PCDHA1: variants seen among roughly 807,000 people sequenced by gnomAD.
The protein encoded by PCDHA1 is protocadherin alpha-1.
A neutral mutation model predicts 61.3 loss-of-function variants in PCDHA1; 42 were observed. The ratio of observed to expected loss-of-function variants is 0.69; its 90% CI spans 0.54 to 0.89. The LOEUF (loss-of-function observed/expected upper bound fraction) is 0.89, where lower values mean the gene tolerates loss of function less well. Among genes scored for constraint, PCDHA1 ranks in the 40% least tolerant of loss-of-function variants. The pLI is 0.00. For synonymous variants in PCDHA1, 610 were observed against 553.8 expected (o/e 1.10, Z -1.43); for missense variants, 1,256 against 1,235.3 (o/e 1.02, Z -0.25).
At chr5:140,915,803 A>G (rs2077309798) in intron 1 of PCDHA1, among the ~76,000 whole-genome samples, 1 of 152,026 alleles carries the variant, frequency 6.6e-6, no homozygotes, top group Admixed American at 6.6e-5. Flanking sequence ...ACTACCACCT[A>G]TGTTCACTCA....
chr5:140,909,784 C>T (rs1380024637), intron 1 of PCDHA1, among the ~76,000 whole-genome samples: 1 of 152,154 alleles, frequency 6.6e-6, no homozygotes, highest in African/African-American at 2.4e-5. Context: ...TGGACCCACT[C>T]TAAGTCAGAC....
In PCDHA1 at chr5:140,859,254, G is replaced by C. The variant is rs1005222858; in HGVS notation, c.2394+70570G>C. 16 of 131,816 alleles carry C rather than the reference G, an allele frequency of 1.2e-4. 1 individual carries two copies. The highest frequency in any genetic ancestry group is 4.3e-4 in the African/African-American group (16 of 37,090). 8.2% of individuals were successfully genotyped at this position (131,816 alleles called of 1,614,324 possible). A position where few individuals can be genotyped will look rare whatever the true frequency, so the allele number is the denominator to read the frequency against. ...AGTCATGCTTATGTTTAATAATGAA[G>C]AGAATTTGAACACTTTTTACTTTTG... is the stretch of plus-strand genomic sequence containing the variant. On this transcript the variant is annotated intron_variant, in intron 1 of 3. Transcript: ENST00000504120.
intron 3 of PCDHA1, among the ~76,000 whole-genome samples, chr5:140,988,127 C>T (rs1285717954): frequency 2.0e-5 from 3 of 152,120 alleles, no homozygotes; most frequent in African/African-American, 7.2e-5. Flanking sequence ...GCATGCTGTT[C>T]CACTAACCTG....
chr5:140,917,324 C>CGGGGGGGGGGGG (rs1299895515), intron 1 of PCDHA1, among the ~76,000 whole-genome samples: 1 of 76,120 alleles, frequency 1.3e-5, no homozygotes, highest in African/African-American at 4.3e-5. Context: ...GTTCATGTGG[C>CGGGGGGGGGGGG]GGGGGAGGGG....
chr5:140,808,989 C>A (rs1554124940), intron 1 of PCDHA1: 4 of 1,613,702 alleles, frequency 2.5e-6, no homozygotes, highest in Non-Finnish European at 1.7e-6. Flanking sequence ...GATGCTGACT[C>A]GGGCTACAAC....
intron 1 of PCDHA1, chr5:140,835,300 G>C: frequency 6.2e-7 from 1 of 1,612,792 alleles, no homozygotes; most frequent in East Asian, 2.2e-5. Context: ...ACAGTGATAG[G>C]ACATATGGAT....
chr5:140,869,518 A>C, intron 1 of PCDHA1: 1 of 1,614,170 alleles, frequency 6.2e-7, no homozygotes, highest in East Asian at 2.2e-5. Flanking sequence ...CAGAGAACAA[A>C]AGCTGCTGAT....
Position 140,857,332 on chromosome 5 carries a change from C to T in PCDHA1, c.2394+68648C>T, listed in dbSNP as rs782461373. The stretch of plus-strand genomic sequence containing the variant: ...ATGAGCTGGTGGTGACCGCGCGGGA[C>T]GGGGGCTCGCCTCCGCTGTGGGCCA... On this transcript the variant is annotated intron_variant, in intron 1 of 3. Transcript: ENST00000504120. The T allele has an allele frequency of 1.9e-5, 30 of 1,598,216 alleles. No homozygotes were observed. In the South Asian group the frequency reaches 2.0e-4, roughly 11 times the overall value.
chr5:140,997,334 C>G (rs2097767888), intron 3 of PCDHA1, among the ~76,000 whole-genome samples: 3 of 152,098 alleles, frequency 2.0e-5, no homozygotes, highest in Admixed American at 2.0e-4. Flanking sequence ...TTTCGTTGTA[C>G]AAATATCATA....
intron 1 of PCDHA1, chr5:140,871,331 C>A (rs1414219251): frequency 6.2e-7 from 1 of 1,614,102 alleles, no homozygotes; most frequent in Non-Finnish European, 8.5e-7. Flanking sequence ...TGCTCCCGCG[C>A]GGTGGGGAGC....
chr5:140,862,984 G>A (rs1420012474), intron 1 of PCDHA1: 1 of 546,626 alleles, frequency 1.8e-6, no homozygotes, highest in Non-Finnish European at 3.6e-6. Context: ...TGGTGGCGAA[G>A]GTGCGCACGG....
chr5:140,841,313 C>T (rs2150313348), intron 1 of PCDHA1: 2 of 1,587,144 alleles, frequency 1.3e-6, no homozygotes, highest in Non-Finnish European at 8.6e-7. Context: ...TAGGAAACGA[C>T]TATTTAACAT....
At position 140,822,042 on chromosome 5, in the gene PCDHA1, C is replaced by T. The variant is rs148967528; in HGVS notation, c.2394+33358C>T. The T allele has an allele frequency of 2.2e-3, 3,471 of 1,614,176 alleles. 3 individuals carry two copies. The highest frequency in any genetic ancestry group is 2.7e-3 in the Non-Finnish European group (3,163 of 1,180,044). ...GCATTTTGTTTGTGAATTCTCGGATCGACCGGGAGGAGCTGTGCCGGCGGA... is the reference window on the plus strand; with the variant it reads ...GCATTTTGTTTGTGAATTCTCGGATTGACCGGGAGGAGCTGTGCCGGCGGA... On this transcript the variant is annotated intron_variant, in intron 1 of 3. Coordinates refer to ENST00000504120, the MANE Select transcript of PCDHA1 (RefSeq NM_018900.4).
intron 1 of PCDHA1, among the ~76,000 whole-genome samples, chr5:140,838,783 A>G (rs1398229562): frequency 6.6e-6 from 1 of 152,002 alleles, no homozygotes; most frequent in Middle Eastern, 3.2e-3. Context: ...TTAGCTATGC[A>G]TGGTGATGCA....
In PCDHA1 at chr5:140,788,484, T is replaced by C. The variant is rs1378490893; in HGVS notation, c.2194T>C (p.Tyr732His). 5 of 1,614,028 alleles carry C rather than the reference T, an allele frequency of 3.1e-6. No individual in the cohort carries two copies. The highest frequency in any genetic ancestry group is 4.2e-6 in the Non-Finnish European group (5 of 1,179,952). The change falls in exon 1 of 4, where the codon TAT (tyrosine) becomes CAT (histidine). Residue 732 changes from tyrosine to histidine, a missense_variant. Physicochemically the swap from Tyr to His is moderately conservative, Grantham distance 83. Transcript: ENST00000504120. ...RCSVPPTEGAYVPGKPTLVCS... is the reference protein window; with the variant it reads ...RCSVPPTEGAHVPGKPTLVCS... ...CTCAGTGCCGCCCACTGAGGGTGCG[T>C]ATGTGCCGGGCAAGCCCACTCTGGT...
chr5:141,008,731 A>G (rs570212555), intron 3 of PCDHA1, among the ~76,000 whole-genome samples: 88 of 152,328 alleles, frequency 5.8e-4, no homozygotes, highest in Non-Finnish European at 1.0e-3. Flanking sequence ...GTCCAACTAG[A>G]CTGTGAGCAC....
At chr5:140,909,872 G>A (rs1245615872) in intron 1 of PCDHA1, among the ~76,000 whole-genome samples, 2 of 152,182 alleles carry the variant, frequency 1.3e-5, no homozygotes, top group African/African-American at 4.8e-5. Flanking sequence ...GTCAACGTCA[G>A]CTTAGAGACA....
chr5:140,806,321 T>C (rs1316329183), intron 1 of PCDHA1, among the ~76,000 whole-genome samples: 4 of 152,166 alleles, frequency 2.6e-5, no homozygotes, highest in African/African-American at 9.7e-5. Flanking sequence ...CTTAGGCACA[T>C]TACATACTGG....
At chr5:140,895,532 A>G (rs546443647) in intron 1 of PCDHA1, among the ~76,000 whole-genome samples, 1 of 152,172 alleles carries the variant, frequency 6.6e-6, no homozygotes, top group East Asian at 1.9e-4. Flanking sequence ...TCGTTTTTCA[A>G]TTGTTGAGTT....
Sources: gnomAD v4.1 joint callset for allele counts (sites outside exome capture counted in the v4.1 genomes callset) on GRCh38, gnomAD v4.1.1 for gene constraint, MANE v1.5 for transcripts, NCBI Gene and HGNC (gene_info 2026-07-23, HGNC 2026-07-21) for gene names.